The following KCNH8 variants were observed in gnomAD, a reference collection of about 807,000 sequenced individuals.
KCNH8 encodes the protein voltage-gated delayed rectifier potassium channel KCNH8.
KCNH8 carries 70 observed loss-of-function variants against 103.6 expected under a neutral mutation model. The observed-to-expected ratio is 0.68, with a 90% CI of 0.56 to 0.82. The LOEUF is 0.82. Among genes scored for constraint, KCNH8 ranks in the 40% least tolerant of loss-of-function variants. The pLI, the probability that KCNH8 is intolerant of heterozygous loss-of-function variation, is 0.00. For synonymous variants in KCNH8, 498 were observed against 489.4 expected (o/e 1.02, Z -0.23); for missense variants, 1,217 against 1,329.9 (o/e 0.92, Z 1.32).
At chr3:19,438,984 C>T (rs910000286) in intron 8 of KCNH8, among the ~76,000 whole-genome samples, 1 of 152,082 alleles carries the variant, frequency 6.6e-6, no homozygotes, top group Non-Finnish European at 1.5e-5. Flanking sequence ...TAGTAAGATC[C>T]AGCAGTACTT....
In KCNH8 at chr3:19,349,100, T is replaced by C. The variant is rs188986563; in HGVS notation, c.811+1135T>C. Among the ~76,000 whole-genome samples, 535 of 152,030 alleles carry C rather than the reference T, an allele frequency of 3.5e-3. 6 individuals carry two copies. The highest frequency in any genetic ancestry group is 0.012 in the African/African-American group (505 of 41,494). On this transcript the variant is annotated intron_variant, in intron 5 of 15. Transcript: ENST00000328405. ...AGGACCTCTGCTGTCACCCCAGAAG[T>C]GGTAGCTATAGTGTGTTTAGGCCAC...
chr3:19,468,977 T>G (rs1259090710), intron 11 of KCNH8, among the ~76,000 whole-genome samples: 1 of 152,244 alleles, frequency 6.6e-6, no homozygotes, highest in Non-Finnish European at 1.5e-5. Flanking sequence ...CATTTCAGTC[T>G]GAAATAAAAT....
intron 11 of KCNH8, among the ~76,000 whole-genome samples, chr3:19,498,414 C>G (rs1024779160): frequency 6.6e-6 from 1 of 152,138 alleles, no homozygotes. Context: ...GTGCTCCTTG[C>G]AGGACCTCTT....
intron 11 of KCNH8, 73 bp downstream of exon 11, chr3:19,457,055 AG>A: frequency 1.0e-6 from 1 of 999,400 alleles, no homozygotes; most frequent in South Asian, 1.5e-5. Flanking sequence ...CAGTAAAGGC[AG>A]ATGTCATGAC....
At chr3:19,474,492 T>A (rs2067929902) in intron 11 of KCNH8, among the ~76,000 whole-genome samples, 2 of 152,106 alleles carry the variant, frequency 1.3e-5, no homozygotes, top group African/African-American at 4.8e-5. Context: ...CAAGCTAAAT[T>A]TCAAATTAAG....
chr3:19,249,078 A>G (rs11926006), intron 1 of KCNH8, among the ~76,000 whole-genome samples: 9,784 of 152,294 alleles, frequency 0.064, 1,027 homozygotes, highest in African/African-American at 0.22. Flanking sequence ...GAGAAAAGCC[A>G]TGTGGCATTT....
At chr3:19,387,933 G>GT (rs1253224316) in intron 5 of KCNH8, among the ~76,000 whole-genome samples, 1,908 of 148,706 alleles carry the variant, frequency 0.013, 46 homozygotes, top group African/African-American at 0.043. Flanking sequence ...GAAAATACCT[G>GT]TTGTTTTTTT....
At chr3:19,323,655 C>T (rs1019799437) in intron 3 of KCNH8, among the ~76,000 whole-genome samples, 1 of 152,056 alleles carries the variant, frequency 6.6e-6, no homozygotes, top group Non-Finnish European at 1.5e-5. Flanking sequence ...AGATCTGGGA[C>T]TCTTGATTGC....
intron 3 of KCNH8, among the ~76,000 whole-genome samples, chr3:19,326,159 G>A (rs2065420361): frequency 6.6e-6 from 1 of 151,686 alleles, no homozygotes; most frequent in Non-Finnish European, 1.5e-5. Context: ...ACATAGAGTG[G>A]AACAATACAC....
intron 5 of KCNH8, among the ~76,000 whole-genome samples, chr3:19,361,091 A>G (rs2065941076): frequency 1.3e-5 from 2 of 152,128 alleles, no homozygotes. Flanking sequence ...CCTTATCCCT[A>G]TATGTAGTAT....
chr3:19,308,737 CCTCT>C (rs1433809758), intron 3 of KCNH8, among the ~76,000 whole-genome samples: 1 of 33,048 alleles, frequency 3.0e-5, no homozygotes, highest in Non-Finnish European at 5.2e-5. Flanking sequence ...TCCCTCTCTC[CCTCT>C]CTCCCTCTCT....
intron 1 of KCNH8, among the ~76,000 whole-genome samples, chr3:19,205,526 C>A (rs2063706226): frequency 6.6e-6 from 1 of 151,942 alleles, no homozygotes; most frequent in Non-Finnish European, 1.5e-5. Flanking sequence ...TAAAACACCA[C>A]CCTTACACTC....
At chr3:19,375,926 G>T (rs1377619281) in intron 5 of KCNH8, among the ~76,000 whole-genome samples, 1 of 152,122 alleles carries the variant, frequency 6.6e-6, no homozygotes, top group Non-Finnish European at 1.5e-5. Context: ...TCGGGGGTCA[G>T]GGACCCACTT....
chr3:19,340,825 C>A (rs908444980), intron 3 of KCNH8, among the ~76,000 whole-genome samples: 1 of 152,142 alleles, frequency 6.6e-6, no homozygotes, highest in Non-Finnish European at 1.5e-5. Flanking sequence ...AGGTCTGCAG[C>A]AAACTCAGTG....
chr3:19,403,127 C>G (rs1345148492), intron 7 of KCNH8, among the ~76,000 whole-genome samples: 1 of 151,474 alleles, frequency 6.6e-6, no homozygotes, highest in Non-Finnish European at 1.5e-5. Flanking sequence ...TTTTATTAAG[C>G]ATTTATAAAT....
intron 5 of KCNH8, among the ~76,000 whole-genome samples, chr3:19,377,437 A>T (rs764052449): frequency 3.3e-5 from 5 of 152,204 alleles, no homozygotes; most frequent in Admixed American, 3.3e-4. Context: ...GGTTATAGCC[A>T]TTTAAATCAG....
intron 5 of KCNH8, among the ~76,000 whole-genome samples, chr3:19,353,745 G>A (rs1012338187): frequency 6.6e-6 from 1 of 152,034 alleles, no homozygotes; most frequent in African/African-American, 2.4e-5. Flanking sequence ...AAAATAATAA[G>A]CGCTATTTAT....
At chr3:19,510,238 C>A in intron 11 of KCNH8, 125 bp from the exon 12 acceptor site, 1 of 679,750 alleles carries the variant, frequency 1.5e-6, no homozygotes, top group South Asian at 1.7e-5. Flanking sequence ...ATCCACACCC[C>A]TTCCTGTGCT....
At chr3:19,322,405 C>G (rs1316855088) in intron 3 of KCNH8, among the ~76,000 whole-genome samples, 1 of 152,066 alleles carries the variant, frequency 6.6e-6, no homozygotes, top group Non-Finnish European at 1.5e-5. Context: ...CTTTCAGCAT[C>G]TTTTGTCTGT....
Sources: gnomAD v4.1 joint callset for allele counts (sites outside exome capture counted in the v4.1 genomes callset) on GRCh38, gnomAD v4.1.1 for gene constraint, MANE v1.5 for transcripts, NCBI Gene and HGNC (gene_info 2026-07-23, HGNC 2026-07-21) for gene names.